SLC35F1: variants seen among roughly 807,000 people sequenced by gnomAD.
SLC35F1 encodes the protein chromosome 6 open reading frame 169.
A neutral mutation model predicts 48.7 loss-of-function variants in SLC35F1; 14 were observed. The observed-to-expected ratio is 0.29, with a 90% confidence interval of 0.19 to 0.45. SLC35F1 has a LOEUF of 0.45. Among genes scored for constraint, SLC35F1 ranks in the 20% least tolerant of loss-of-function variants. The pLI is 1.00. For missense variants in SLC35F1, 404 were observed against 500.0 expected (o/e 0.81, Z 1.83); for synonymous variants, 190 against 202.2 (o/e 0.94, Z 0.51).
chr6:118,104,168 A>G (rs1773298120), intron 1 of SLC35F1, among the ~76,000 whole-genome samples: 1 of 133,902 alleles, frequency 7.5e-6, no homozygotes, highest in Admixed American at 8.3e-5. Context: ...TCTCTCCCAC[A>G]TTCCCTCTTT....
At chr6:118,108,672 A>G (rs536699336) in intron 1 of SLC35F1, among the ~76,000 whole-genome samples, 17 of 152,256 alleles carry the variant, frequency 1.1e-4, no homozygotes, top group African/African-American at 3.6e-4. Flanking sequence ...TTGTTGCACA[A>G]TGTTATTGCT....
intron 2 of SLC35F1, among the ~76,000 whole-genome samples, chr6:118,228,312 G>GACT (rs1554238222): frequency 1.1e-3 from 1 of 882 alleles, no homozygotes; most frequent in East Asian, 0.062. Flanking sequence ...ATACTAAATG[G>GACT]AATAGTTTTA....
At chr6:118,272,737 G>GTGTGTATATATATA (rs201515909) in intron 4 of SLC35F1, among the ~76,000 whole-genome samples, 119 of 120,256 alleles carry the variant, frequency 9.9e-4, no homozygotes, top group African/African-American at 3.6e-3. Context: ...ATATGTGTGT[G>GTGTGTATATATATA]TATATATATA....
intron 1 of SLC35F1, among the ~76,000 whole-genome samples, chr6:118,041,362 A>G (rs1772217126): frequency 6.6e-6 from 1 of 152,172 alleles, no homozygotes; most frequent in Admixed American, 6.6e-5. Flanking sequence ...TGCAGTACAC[A>G]TACTCCAACC....
At chr6:118,295,635 A>C (rs1776174730) in intron 7 of SLC35F1, among the ~76,000 whole-genome samples, 1 of 152,208 alleles carries the variant, frequency 6.6e-6, no homozygotes, top group South Asian at 2.1e-4. Context: ...GATGAGCATA[A>C]TAAAAGCAAT....
chr6:117,942,832 G>A (rs1326003496), intron 1 of SLC35F1, among the ~76,000 whole-genome samples: 2 of 152,102 alleles, frequency 1.3e-5, no homozygotes, highest in Non-Finnish European at 2.9e-5. Flanking sequence ...CACATTTGAC[G>A]TTTTAGCTAT....
At chr6:117,918,932 A>G (rs1775862068) in intron 1 of SLC35F1, among the ~76,000 whole-genome samples, 1 of 152,128 alleles carries the variant, frequency 6.6e-6, no homozygotes, top group Non-Finnish European at 1.5e-5. Context: ...GTTTCACGCC[A>G]TCATCCAGGC....
intron 2 of SLC35F1, among the ~76,000 whole-genome samples, chr6:118,161,584 G>T (rs1305319779): frequency 2.0e-5 from 3 of 152,192 alleles, no homozygotes; most frequent in African/African-American, 7.2e-5. Flanking sequence ...AGTCTCCCTT[G>T]TGGGAAATTA....
chr6:118,128,349 G>C (rs551885161), intron 1 of SLC35F1, among the ~76,000 whole-genome samples: 5 of 146,282 alleles, frequency 3.4e-5, no homozygotes, highest in African/African-American at 1.2e-4. Flanking sequence ...CTGCTATAAA[G>C]ACACATGCAC....
intron 7 of SLC35F1, among the ~76,000 whole-genome samples, chr6:118,297,475 A>G (rs4294041): frequency 0.38 from 57,439 of 151,470 alleles, 11,215 homozygotes; most frequent in Middle Eastern, 0.47. Context: ...GTCTTGATTC[A>G]CTGCGGAAGT....
intron 7 of SLC35F1, among the ~76,000 whole-genome samples, chr6:118,291,242 T>TACACACACAC (rs10603708): frequency 4.0e-5 from 6 of 148,598 alleles, no homozygotes; most frequent in Non-Finnish European, 7.5e-5. Flanking sequence ...GTATCATGTA[T>TACACACACAC]ACACACACAC....
intron 7 of SLC35F1, among the ~76,000 whole-genome samples, chr6:118,297,944 T>C (rs2114655947): frequency 6.6e-6 from 1 of 152,028 alleles, no homozygotes; most frequent in South Asian, 2.1e-4. Flanking sequence ...TGGTGCCATC[T>C]TCATGGTAAT....
intron 1 of SLC35F1, among the ~76,000 whole-genome samples, chr6:117,980,173 G>A (rs1340272928): frequency 2.0e-5 from 3 of 152,164 alleles, no homozygotes; most frequent in Non-Finnish European, 4.4e-5. Context: ...TTGAGACAAT[G>A]TGTGAGGGGG....
chr6:117,946,584 A>G (rs1776298043), intron 1 of SLC35F1, among the ~76,000 whole-genome samples: 1 of 152,236 alleles, frequency 6.6e-6, no homozygotes, highest in South Asian at 2.1e-4. Context: ...CTTTGAGATG[A>G]CAACCTACAT....
intron 4 of SLC35F1, among the ~76,000 whole-genome samples, chr6:118,273,936 G>T (rs935547476): frequency 7.9e-5 from 12 of 152,182 alleles, no homozygotes; most frequent in African/African-American, 2.9e-4. Context: ...AGAAAAAGTG[G>T]CACCATTTAG....
chr6:118,114,067 T>C lies in SLC35F1; in HGVS notation c.174-40378T>C, dbSNP rs958664969. Reference sequence around the variant, plus strand: ...ATAAAGCCCTTCTATATGCATTGTATCATTTAGTTTTCACAAGAGATATAT... The same window carrying C: ...ATAAAGCCCTTCTATATGCATTGTACCATTTAGTTTTCACAAGAGATATAT... On this transcript the variant is annotated intron_variant, in intron 1 of 7. Coordinates refer to ENST00000360388, the MANE Select transcript of SLC35F1 (RefSeq NM_001029858.4). Among the ~76,000 whole-genome samples, 15 of 152,294 alleles carry C rather than the reference T, an allele frequency of 9.8e-5. 1 individual carries two copies. The South Asian group carries it at 2.3e-3, about 23-fold the overall frequency.
At chr6:118,279,293 G>A (rs533272194) in intron 6 of SLC35F1, among the ~76,000 whole-genome samples, 1 of 152,250 alleles carries the variant, frequency 6.6e-6, no homozygotes, top group South Asian at 2.1e-4. Flanking sequence ...CAATTATTAT[G>A]TATCAATAAA....
intron 1 of SLC35F1, among the ~76,000 whole-genome samples, chr6:117,934,437 G>T (rs1201120030): frequency 1.3e-5 from 2 of 152,036 alleles, no homozygotes; most frequent in Admixed American, 1.3e-4. Context: ...AATTATTAAG[G>T]ATATATTTTT....
chr6:118,002,900 T>C lies in SLC35F1; in HGVS notation c.173+95001T>C, dbSNP rs200284671. On this transcript the variant is annotated intron_variant, in intron 1 of 7. Coordinates refer to ENST00000360388, the MANE Select transcript of SLC35F1 (RefSeq NM_001029858.4). ...GAACTCCAACCATGCTATTATCAGA[T>C]CAGTTTTATATTATTTCAGTTATAT... 7.2e-5 allele frequency among the ~76,000 whole-genome samples: 11 copies of C among 152,178 alleles called. No individual in the cohort carries two copies. In the East Asian group the frequency reaches 1.9e-3, roughly 27 times the overall value.
Sources: gnomAD v4.1 joint callset for allele counts (sites outside exome capture counted in the v4.1 genomes callset) on GRCh38, gnomAD v4.1.1 for gene constraint, MANE v1.5 for transcripts, NCBI Gene and HGNC (gene_info 2026-07-23, HGNC 2026-07-21) for gene names.